NKAIN2: variants seen among roughly 807,000 people sequenced by gnomAD.
The protein encoded by NKAIN2 is sodium/potassium-transporting ATPase subunit beta-1-interacting protein 2.
A neutral mutation model predicts 32.6 loss-of-function variants in NKAIN2; 14 were observed. That is an observed-to-expected ratio of 0.43 (90% CI 0.28 to 0.67). The LOEUF is 0.67. Ranked by LOEUF, NKAIN2 falls within the 30% of genes least tolerant of loss-of-function variation. The pLI is 0.17. For missense variants in NKAIN2, 198 were observed against 258.3 expected (o/e 0.77, Z 1.60); for synonymous variants, 80 against 87.2 (o/e 0.92, Z 0.46).
intron 3 of NKAIN2, among the ~76,000 whole-genome samples, chr6:124,642,516 T>C (rs1035938193): frequency 6.6e-6 from 1 of 152,180 alleles, no homozygotes; most frequent in Non-Finnish European, 1.5e-5. Context: ...ATGTAGATAT[T>C]GGCAGTGCAA....
intron 1 of NKAIN2, among the ~76,000 whole-genome samples, chr6:124,188,212 A>G (rs976620578): frequency 6.6e-6 from 1 of 152,194 alleles, no homozygotes; most frequent in African/African-American, 2.4e-5. Flanking sequence ...CAATCAGAGA[A>G]GTAAATTCAG....
chr6:124,666,495 A>C (rs1424353071), intron 4 of NKAIN2, among the ~76,000 whole-genome samples: 1 of 152,194 alleles, frequency 6.6e-6, no homozygotes, highest in African/African-American at 2.4e-5. Flanking sequence ...AATGGGCACA[A>C]ATTTAACTTT....
chr6:123,808,961 G>A (rs1157393895), intron 1 of NKAIN2, among the ~76,000 whole-genome samples: 1 of 152,088 alleles, frequency 6.6e-6, no homozygotes, highest in Admixed American at 6.5e-5. Context: ...ACATTTCTAT[G>A]TTGATCCTGG....
chr6:124,594,481 G>A (rs1782015124), intron 3 of NKAIN2, among the ~76,000 whole-genome samples: 1 of 152,182 alleles, frequency 6.6e-6, no homozygotes, highest in Non-Finnish European at 1.5e-5. Flanking sequence ...AGTTCAATTA[G>A]AATAAGCACT....
At chr6:123,838,904 T>G (rs1301979301) in intron 1 of NKAIN2, among the ~76,000 whole-genome samples, 1 of 152,220 alleles carries the variant, frequency 6.6e-6, no homozygotes, top group Non-Finnish European at 1.5e-5. Context: ...CTTTGCCCAC[T>G]TAAGGATGCT....
At chr6:124,257,583 C>A (rs1460840333) in intron 1 of NKAIN2, among the ~76,000 whole-genome samples, 1 of 151,966 alleles carries the variant, frequency 6.6e-6, no homozygotes, top group Non-Finnish European at 1.5e-5. Context: ...ACAACATAAC[C>A]TAATGCAATT....
chr6:123,950,062 C>T (rs1026236505), intron 1 of NKAIN2, among the ~76,000 whole-genome samples: 2 of 151,770 alleles, frequency 1.3e-5, no homozygotes, highest in African/African-American at 4.8e-5. Flanking sequence ...TGGTTTTGTT[C>T]CTCATCCTGT....
At chr6:124,238,100 G>A (rs1193751214) in intron 1 of NKAIN2, among the ~76,000 whole-genome samples, 5 of 152,060 alleles carry the variant, frequency 3.3e-5, no homozygotes, top group African/African-American at 1.2e-4. Context: ...AGGGAAAAAA[G>A]GGTTGGGAGT....
At chr6:124,416,264 G>T (rs1474707550) in intron 3 of NKAIN2, among the ~76,000 whole-genome samples, 1 of 152,056 alleles carries the variant, frequency 6.6e-6, no homozygotes, top group African/African-American at 2.4e-5. Flanking sequence ...AGTTTATCTG[G>T]ATCATAAAAA....
intron 3 of NKAIN2, among the ~76,000 whole-genome samples, chr6:124,442,638 A>G (rs1054044439): frequency 6.6e-6 from 1 of 152,054 alleles, no homozygotes; most frequent in Non-Finnish European, 1.5e-5. Flanking sequence ...CTGAATTATG[A>G]TGCAGTAGTT....
intron 1 of NKAIN2, among the ~76,000 whole-genome samples, chr6:124,258,908 G>C (rs1162557311): frequency 1.3e-5 from 2 of 152,180 alleles, no homozygotes. Context: ...AAGGCATTTT[G>C]AGAGCAGTGG....
chr6:124,732,345 G>C (rs776523367), intron 4 of NKAIN2, among the ~76,000 whole-genome samples: 3 of 152,068 alleles, frequency 2.0e-5, no homozygotes, highest in Admixed American at 6.6e-5. Context: ...TGAGGAATAG[G>C]ACAGGGTTTG....
intron 1 of NKAIN2, among the ~76,000 whole-genome samples, chr6:124,038,729 C>T (rs1213798307): frequency 6.6e-6 from 1 of 152,056 alleles, no homozygotes; most frequent in African/African-American, 2.4e-5. Context: ...AGATTCAAAA[C>T]CAATTTTTGT....
Position 124,791,387 on chromosome 6 carries a change from G to C in NKAIN2, c.523G>C (p.Glu175Gln). 1 of 1,605,738 alleles carries C rather than the reference G, an allele frequency of 6.2e-7. No individual in the cohort carries two copies. The highest frequency in any genetic ancestry group is 8.5e-7 in the Non-Finnish European group (1 of 1,173,430). ...ACYVVKCITE[E>Q]EDSFDFIGGF... is the part of the protein sequence containing the mutation. ...TTATGTTGTGAAATGTATAACTGAA[G>C]AAGAGGACAGCTGTAAGTATTAAAG... is the stretch of plus-strand genomic sequence containing the variant. The change falls in exon 5 of 7, where the codon GAA becomes CAA. Residue 175 changes from glutamate (E) to glutamine (Q), a missense_variant. Glu to Gln is a conservative substitution (Grantham distance 29). Coordinates refer to ENST00000368417, the MANE Select transcript of NKAIN2 (RefSeq NM_001040214.3).
chr6:124,594,296 T>A (rs1782008918), intron 3 of NKAIN2, among the ~76,000 whole-genome samples: 1 of 151,924 alleles, frequency 6.6e-6, no homozygotes, highest in African/African-American at 2.4e-5. Flanking sequence ...AAAAAACAAA[T>A]CCCTGAGCAA....
At chr6:124,323,860 TC>T (rs1340380448) in intron 2 of NKAIN2, among the ~76,000 whole-genome samples, 4 of 148,090 alleles carry the variant, frequency 2.7e-5, no homozygotes, top group Non-Finnish European at 4.4e-5. Context: ...CAATCTCGGC[TC>T]ACTGCAAGCT....
intron 3 of NKAIN2, among the ~76,000 whole-genome samples, chr6:124,641,443 G>A (rs1220302117): frequency 1.5e-5 from 2 of 137,320 alleles, no homozygotes; most frequent in African/African-American, 5.4e-5. Flanking sequence ...ACATATAATA[G>A]CAATGAACTT....
chr6:124,592,258 G>T (rs1346013672), intron 3 of NKAIN2, among the ~76,000 whole-genome samples: 1 of 152,136 alleles, frequency 6.6e-6, no homozygotes, highest in African/African-American at 2.4e-5. Context: ...TTATTAGCTA[G>T]TTTTCAGAAT....
chr6:123,837,844 T>C (rs1366112174), intron 1 of NKAIN2, among the ~76,000 whole-genome samples: 1 of 152,182 alleles, frequency 6.6e-6, no homozygotes, highest in Non-Finnish European at 1.5e-5. Context: ...GAAAGTGATG[T>C]GAAAATTACC....
Sources: gnomAD v4.1 joint callset for allele counts (sites outside exome capture counted in the v4.1 genomes callset) on GRCh38, gnomAD v4.1.1 for gene constraint, MANE v1.5 for transcripts, NCBI Gene and HGNC (gene_info 2026-07-23, HGNC 2026-07-21) for gene names.